The following TANGO6 variants were observed in gnomAD, a reference collection of about 807,000 sequenced individuals.
The protein encoded by TANGO6 is transport and Golgi organization protein 6 homolog.
In TANGO6, 90 loss-of-function variants were observed where a neutral mutation model predicts 114.2. The ratio of observed to expected loss-of-function variants is 0.79; its 90% CI spans 0.66 to 0.94. The LOEUF is 0.94. Ranked by LOEUF, TANGO6 falls within the 40% of genes least tolerant of loss-of-function variation. TANGO6 has a pLI of 0.00. For missense variants in TANGO6, 1,274 were observed against 1,315.3 expected, an observed-to-expected ratio of 0.97 and a Z score of 0.49; for synonymous variants, 477 against 509.8, an observed-to-expected ratio of 0.94 and a Z score of 0.87.
At chr16:68,958,148 G>A (rs961555598) in intron 14 of TANGO6, among the ~76,000 whole-genome samples, 5 of 150,408 alleles carry the variant, frequency 3.3e-5, no homozygotes, top group African/African-American at 1.2e-4. Flanking sequence ...TCCAGCCTGG[G>A]CAAGAAGAGG....
chr16:68,897,349 G>C (rs1179547389), intron 7 of TANGO6, among the ~76,000 whole-genome samples: 1 of 152,076 alleles, frequency 6.6e-6, no homozygotes, highest in Non-Finnish European at 1.5e-5. Flanking sequence ...TCCTCTACTA[G>C]AATATTAGCT....
At chr16:68,867,818 C>G (rs1486328438) in intron 4 of TANGO6, 1 of 149,092 alleles carries the variant, frequency 6.7e-6, no homozygotes, top group Non-Finnish European at 1.5e-5. Context: ...GCCTAGGTGA[C>G]AGAATGAGAC....
chr16:69,069,218 G>A lies in TANGO6; in HGVS notation c.3109-14267G>A, dbSNP rs553269737. Among the ~76,000 whole-genome samples, 16 of 152,314 alleles carry A rather than the reference G, an allele frequency of 1.1e-4. No individual in the cohort carries two copies. The South Asian group carries it at 3.3e-3, about 32-fold the overall frequency. On this transcript the variant is annotated intron_variant, in intron 17 of 17. Coordinates refer to ENST00000261778, the MANE Select transcript of TANGO6 (RefSeq NM_024562.2). ...CCATTAGGCTTAATTCTGTGTGTCT[G>A]CCTCCCCAACAGGGTGTGAGCTCCT...
intron 15 of TANGO6, among the ~76,000 whole-genome samples, chr16:68,991,641 G>GATAA (rs1275037741): frequency 1.3e-5 from 2 of 151,510 alleles, no homozygotes; most frequent in Non-Finnish European, 2.9e-5. Flanking sequence ...AGATTTCATC[G>GATAA]ATAAATAAAT....
At chr16:68,919,280 T>C in intron 12 of TANGO6, 61 bp downstream of exon 12, 1 of 1,577,930 alleles carries the variant, frequency 6.3e-7, no homozygotes, top group African/African-American at 1.3e-5. Context: ...ATACCAGTTG[T>C]TTTCCTTCCA....
intron 3 of TANGO6, among the ~76,000 whole-genome samples, chr16:68,864,310 A>G (rs1360434967): frequency 3.9e-5 from 6 of 152,210 alleles, no homozygotes; most frequent in Admixed American, 3.9e-4. Flanking sequence ...ACTGTGGCTC[A>G]CACCTGTAAA....
At position 68,997,032 on chromosome 16, in the gene TANGO6, T is replaced by G. The variant is rs182028161; in HGVS notation, c.2842+22864T>G. On this transcript the variant is annotated intron_variant, in intron 15 of 17. Transcript: ENST00000261778. ...CAAAAAGGTTGGAGCACAAAGGTTT[T>G]TAACTTCTGGCATAAGATCTTAACA... 3.3e-5 allele frequency among the ~76,000 whole-genome samples: 5 copies of G among 152,360 alleles called. No individual in the cohort carries two copies. The East Asian group carries it at 9.6e-4, about 29-fold the overall frequency.
intron 14 of TANGO6, among the ~76,000 whole-genome samples, chr16:68,944,795 A>C (rs1349116113): frequency 2.6e-5 from 4 of 152,228 alleles, no homozygotes; most frequent in Non-Finnish European, 5.9e-5. Flanking sequence ...TCTAAATTTA[A>C]AACATTTTGC....
At chr16:68,877,900 AC>A (rs1389816734) in intron 5 of TANGO6, among the ~76,000 whole-genome samples, 1 of 152,108 alleles carries the variant, frequency 6.6e-6, no homozygotes, top group Non-Finnish European at 1.5e-5. Context: ...GAGCCACCAC[AC>A]CCGGCCAAAA....
In TANGO6 at chr16:68,953,713, A is replaced by T. The variant is rs555694276; in HGVS notation, c.2702-20315A>T. ...TGTAAAGTAGACATTTAAGCAACTG[A>T]CTCTACCTGGAGGTATCTCATACTG... is the stretch of plus-strand genomic sequence containing the variant. On this transcript the variant is annotated intron_variant, in intron 14 of 17. Coordinates refer to ENST00000261778, the MANE Select transcript of TANGO6 (RefSeq NM_024562.2). Among the ~76,000 whole-genome samples, 7 of 152,062 alleles carry T rather than the reference A, an allele frequency of 4.6e-5. No individual in the cohort carries two copies. The South Asian group carries it at 1.5e-3, about 32-fold the overall frequency.
At chr16:68,908,781 A>G (rs1213984122) in intron 10 of TANGO6, among the ~76,000 whole-genome samples, 1 of 152,232 alleles carries the variant, frequency 6.6e-6, no homozygotes, top group Non-Finnish European at 1.5e-5. Context: ...CTGAGGTCTC[A>G]GTTCAAGGAA....
At chr16:68,906,885 C>T (rs1962857744) in intron 9 of TANGO6, among the ~76,000 whole-genome samples, 1 of 151,618 alleles carries the variant, frequency 6.6e-6, no homozygotes, top group Non-Finnish European at 1.5e-5. Flanking sequence ...CCTCCGCCTC[C>T]TGGGTTCAAG....
chr16:69,021,349 G>A (rs773180576), intron 15 of TANGO6, among the ~76,000 whole-genome samples: 4 of 152,120 alleles, frequency 2.6e-5, no homozygotes, highest in Non-Finnish European at 5.9e-5. Context: ...TGACTGATAC[G>A]CTCACCTTCC....
chr16:68,964,346 C>T (rs886273502), intron 14 of TANGO6, among the ~76,000 whole-genome samples: 1 of 151,826 alleles, frequency 6.6e-6, no homozygotes, highest in Admixed American at 6.6e-5. Flanking sequence ...TAGAAAGTCT[C>T]TCTCTCTCAC....
intron 4 of TANGO6, among the ~76,000 whole-genome samples, chr16:68,872,309 C>CTT (rs368722656): frequency 2.8e-5 from 4 of 143,486 alleles, no homozygotes; most frequent in African/African-American, 1.0e-4. Flanking sequence ...ATTTTTTTTT[C>CTT]TTTTTTTTTT....
chr16:69,067,951 A>AG (rs1466261817), intron 17 of TANGO6, among the ~76,000 whole-genome samples: 2 of 149,838 alleles, frequency 1.3e-5, no homozygotes, highest in African/African-American at 4.9e-5. Context: ...AAAAAAAAAA[A>AG]AAAAAGAAAA....
In TANGO6 at chr16:68,843,647, G is replaced by A; in HGVS notation, c.30G>A (p.Gly10=). The change falls in exon 1 of 18, where the codon GGG becomes GGA. Residue 10 remains glycine, a synonymous_variant. Coordinates refer to ENST00000261778, the MANE Select transcript of TANGO6 (RefSeq NM_024562.2). ...CGGCCCGACAGGCCGTGGGCAGCGG[G>A]GCTCAGGAGACATGCGGTCTGGATC... MAARQAVGS[G]AQETCGLDRI... 1 of 1,613,724 alleles carries A rather than the reference G, an allele frequency of 6.2e-7. No homozygotes were observed. The highest frequency in any genetic ancestry group is 2.2e-5 in the East Asian group (1 of 44,860).
At chr16:69,043,278 G>A (rs1959800797) in intron 17 of TANGO6, among the ~76,000 whole-genome samples, 1 of 117,378 alleles carries the variant, frequency 8.5e-6, no homozygotes, top group Non-Finnish European at 1.8e-5. Flanking sequence ...GCGAGAGACA[G>A]AGCGAGTGTG....
intron 13 of TANGO6, among the ~76,000 whole-genome samples, chr16:68,928,821 C>G (rs371615877): frequency 3.9e-5 from 6 of 152,302 alleles, no homozygotes; most frequent in African/African-American, 1.4e-4. Flanking sequence ...GATAAGCCAC[C>G]TGTTTTCTCT....
Sources: gnomAD v4.1 joint callset for allele counts (sites outside exome capture counted in the v4.1 genomes callset) on GRCh38, gnomAD v4.1.1 for gene constraint, MANE v1.5 for transcripts, NCBI Gene and HGNC (gene_info 2026-07-23, HGNC 2026-07-21) for gene names.